AHCY: variants seen among roughly 807,000 people sequenced by gnomAD.
AHCY encodes the protein S-adenosyl-L-homocysteine hydrolase.
In AHCY, 24 loss-of-function variants were observed where a neutral mutation model predicts 45.4. That is an observed-to-expected ratio of 0.53 (90% CI 0.38 to 0.74). The LOEUF is 0.74. AHCY is among the 30% of genes least tolerant of loss of function. The probability of loss-of-function intolerance (pLI) is 0.00; values close to 1 mark genes in which losing one functional copy is unlikely to be tolerated. For missense variants in AHCY, 449 were observed against 594.1 expected (o/e 0.76, Z 2.54); for synonymous variants, 245 against 235.1 (o/e 1.04, Z -0.39).
chr20:34,294,510 C>G (rs2036508106), intron 2 of AHCY, among the ~76,000 whole-genome samples: 1 of 152,030 alleles, frequency 6.6e-6, no homozygotes, highest in African/African-American at 2.4e-5. Flanking sequence ...GCTGCACTGA[C>G]AGGATTTGCA....
downstream of AHCY, among the ~76,000 whole-genome samples, chr20:34,276,614 AC>A (rs1392320624): frequency 1.3e-5 from 2 of 152,004 alleles, no homozygotes; most frequent in Non-Finnish European, 2.9e-5. Flanking sequence ...GGTCTTTAGA[AC>A]CCTTGCAAGG....
the AHCY span, among the ~76,000 whole-genome samples, chr20:34,258,707 T>TATATATATATATACACAC: frequency 1.0e-5 from 1 of 95,278 alleles, no homozygotes; most frequent in Non-Finnish European, 2.0e-5. Flanking sequence ...TATATATATA[T>TATATATATATATACACAC]ATTATATATA....
At chr20:34,252,428 C>G in the AHCY span, among the ~76,000 whole-genome samples, 3 of 152,160 alleles carry the variant, frequency 2.0e-5, no homozygotes, top group Non-Finnish European at 4.4e-5. Context: ...TGGATGTGCA[C>G]GTAGGCTAGA....
downstream of AHCY, among the ~76,000 whole-genome samples, chr20:34,275,437 T>C (rs1257186095): frequency 6.6e-6 from 1 of 151,900 alleles, no homozygotes; most frequent in Non-Finnish European, 1.5e-5. Flanking sequence ...CGGCCCTCTG[T>C]TTTCTTTTCT....
the AHCY span, among the ~76,000 whole-genome samples, chr20:34,251,460 G>C: frequency 2.6e-5 from 4 of 151,844 alleles, no homozygotes; most frequent in East Asian, 7.7e-4. Context: ...TTTTTTAATA[G>C]AGACGGGGTT....
chr20:34,256,986 C>CACAT, the AHCY span, among the ~76,000 whole-genome samples: 1 of 152,070 alleles, frequency 6.6e-6, no homozygotes, highest in African/African-American at 2.4e-5. Context: ...CACATTCCAC[C>CACAT]ACATCTCCAT....
chr20:34,284,547 AGTT>A (rs2036107476), intron 9 of AHCY, among the ~76,000 whole-genome samples: 1 of 152,138 alleles, frequency 6.6e-6, no homozygotes, highest in South Asian at 2.1e-4. Flanking sequence ...TAACCCACCC[AGTT>A]ATTTTTTAAA....
the AHCY span, among the ~76,000 whole-genome samples, chr20:34,238,762 G>A: frequency 6.6e-6 from 1 of 152,018 alleles, no homozygotes; most frequent in Non-Finnish European, 1.5e-5. Context: ...GTTTAATAAT[G>A]TGGTAACTCT....
chr20:34,246,801 C>T, the AHCY span, among the ~76,000 whole-genome samples: 4 of 152,198 alleles, frequency 2.6e-5, no homozygotes, highest in African/African-American at 9.6e-5. Context: ...ACTTGAAGCT[C>T]CCTTTACTGA....
At chr20:34,273,924 T>C in the AHCY span, among the ~76,000 whole-genome samples, 152 of 152,314 alleles carry the variant, frequency 1.0e-3, no homozygotes, top group African/African-American at 3.5e-3. Context: ...TGCAGAGAAA[T>C]AGAAGCTCTC....
the AHCY span, chr20:34,246,242 C>T: frequency 6.5e-3 from 9,959 of 1,531,284 alleles, 817 homozygotes; most frequent in Admixed American, 0.16. Context: ...TATTTGGCCT[C>T]TTCCACCTCT....
At chr20:34,302,767 G>A (rs1447726625) in intron 1 of AHCY, 1 of 993,000 alleles carries the variant, frequency 1.0e-6, no homozygotes, top group Non-Finnish European at 1.2e-6. Flanking sequence ...AGCCGGCCTG[G>A]GGCTCGCTTT....
chr20:34,235,841 G>GGAAGGAAGGAAGGAAGGA, the AHCY span, among the ~76,000 whole-genome samples: 1 of 36,160 alleles, frequency 2.8e-5, no homozygotes, highest in African/African-American at 3.6e-4. Flanking sequence ...AAGAAAGAAA[G>GGAAGGAAGGAAGGAAGGA]AAGGAAGGAA....
At chr20:34,294,531 T>A (rs371515998) in intron 2 of AHCY, among the ~76,000 whole-genome samples, 1 of 151,334 alleles carries the variant, frequency 6.6e-6, no homozygotes, top group Non-Finnish European at 1.5e-5. Context: ...GAGGGATGAG[T>A]TGTTGGAGTA....
chr20:34,311,660 A>G (rs2036950208), exon 1 of AHCY: 4 of 152,458 alleles, frequency 2.6e-5, no homozygotes, highest in Admixed American at 2.6e-4. Context: ...AGGCTTCGAG[A>G]TGGGATAGAG....
At chr20:34,254,121 G>T in the AHCY span, among the ~76,000 whole-genome samples, 1 of 151,714 alleles carries the variant, frequency 6.6e-6, no homozygotes, top group African/African-American at 2.4e-5. Context: ...GCAGTGCAGT[G>T]GCACAATCTT....
In AHCY at chr20:34,280,994, G is replaced by GC; in HGVS notation, c.*39dup. ...CTTAGGGAGGAGAGGTGGGGCCTGGGCAAGGACAGCAGCTGGAGGGTGAAA... is the reference window on the plus strand; with the variant it reads ...CTTAGGGAGGAGAGGTGGGGCCTGGGCCAAGGACAGCAGCTGGAGGGTGAAA... On this transcript the variant is annotated 3_prime_UTR_variant, in exon 10 of 10. Transcript: ENST00000217426. The GC allele has an allele frequency of 6.2e-7, 1 of 1,613,228 alleles. No individual in the cohort carries two copies. The highest frequency in any genetic ancestry group is 1.1e-5 in the South Asian group (1 of 90,922).
At chr20:34,292,610 C>T in intron 3 of AHCY, 103 bp from the exon 4 acceptor site, 1 of 1,526,386 alleles carries the variant, frequency 6.6e-7, no homozygotes, top group Admixed American at 1.7e-5. Context: ...AACTCCCATC[C>T]CCAGCCACCT....
At chr20:34,248,822 T>C in the AHCY span, among the ~76,000 whole-genome samples, 2 of 150,694 alleles carry the variant, frequency 1.3e-5, no homozygotes, top group East Asian at 3.9e-4. Flanking sequence ...GAAAGAAATA[T>C]TCAGCAGAAT....
Sources: gnomAD v4.1 joint callset for allele counts (sites outside exome capture counted in the v4.1 genomes callset) on GRCh38, gnomAD v4.1.1 for gene constraint, MANE v1.5 for transcripts, NCBI Gene and HGNC (gene_info 2026-07-23, HGNC 2026-07-21) for gene names.